Variants in MYO1E observed in about 807,000 individuals in gnomAD.
MYO1E encodes unconventional myosin-Ie.
Under a neutral mutation model 151.1 loss-of-function variants are expected in MYO1E, and 68 were observed. That is an observed-to-expected ratio of 0.45 (90% CI 0.37 to 0.55). MYO1E has a LOEUF of 0.55. Ranked by LOEUF, MYO1E falls within the 20% of genes least tolerant of loss-of-function variation. MYO1E has a pLI of 0.00. For synonymous variants in MYO1E, 601 were observed against 501.7 expected (o/e 1.20, Z -2.64); for missense variants, 1,363 against 1,389.3 (o/e 0.98, Z 0.30).
chr15:59,289,527 G>C (rs1352567260), intron 1 of MYO1E, among the ~76,000 whole-genome samples: 1 of 152,192 alleles, frequency 6.6e-6, no homozygotes, highest in Non-Finnish European at 1.5e-5. Flanking sequence ...CCACTTTGGA[G>C]ATCTCTTTCC....
chr15:59,238,344 G>C (rs1235915811), intron 4 of MYO1E, among the ~76,000 whole-genome samples: 1 of 152,142 alleles, frequency 6.6e-6, no homozygotes, highest in Admixed American at 6.5e-5. Flanking sequence ...AAGAATATTG[G>C]AAAGTCCAAG....
chr15:59,304,182 C>T (rs187174106), intron 1 of MYO1E, among the ~76,000 whole-genome samples: 117 of 152,154 alleles, frequency 7.7e-4, no homozygotes, highest in African/African-American at 2.6e-3. Flanking sequence ...GAGGTTTCAC[C>T]ATGTTGGTCA....
chr15:59,257,415 C>A (rs1355286538), intron 3 of MYO1E, among the ~76,000 whole-genome samples: 1 of 152,114 alleles, frequency 6.6e-6, no homozygotes, highest in African/African-American at 2.4e-5. Flanking sequence ...ACGCAGTGAG[C>A]TACAATTGTG....
intron 1 of MYO1E, among the ~76,000 whole-genome samples, chr15:59,344,556 T>C (rs115311270): frequency 2.6e-5 from 4 of 152,154 alleles, no homozygotes; most frequent in African/African-American, 9.6e-5. Context: ...AATCATCAAG[T>C]AGTGAAGCCA....
chr15:59,186,921 A>T (rs2140324872), intron 18 of MYO1E, among the ~76,000 whole-genome samples: 1 of 152,352 alleles, frequency 6.6e-6, no homozygotes. Flanking sequence ...ACAACACAAA[A>T]TAAGAACAAT....
At chr15:59,140,229 A>T (rs2079401364) in intron 26 of MYO1E, among the ~76,000 whole-genome samples, 1 of 152,204 alleles carries the variant, frequency 6.6e-6, no homozygotes, top group Non-Finnish European at 1.5e-5. Context: ...CAGATCTTCT[A>T]GCTTTAAAGT....
chr15:59,300,512 G>A (rs1461152640), intron 1 of MYO1E, among the ~76,000 whole-genome samples: 1 of 152,052 alleles, frequency 6.6e-6, no homozygotes, highest in Non-Finnish European at 1.5e-5. Context: ...TCCCCACTCT[G>A]CCCGCTCATT....
chr15:59,247,154 C>A (rs2080135341), intron 4 of MYO1E, among the ~76,000 whole-genome samples: 1 of 152,138 alleles, frequency 6.6e-6, no homozygotes, highest in South Asian at 2.1e-4. Context: ...TGAAATTGTG[C>A]CACTGCACTC....
chr15:59,138,018 A>G lies in MYO1E; in HGVS notation c.3250+180T>C. Among the ~76,000 whole-genome samples the G allele has an allele frequency of 1.3e-5, 2 of 152,208 alleles. 1 individual carries two copies. The highest frequency in any genetic ancestry group is 2.9e-5 in the Non-Finnish European group (2 of 68,030). ...GGAGGGAATATAAATAAGGGGGCAG[A>G]GCTGAAAGAAGCATTAAAAAAGCTG... On this transcript the variant is annotated intron_variant, in intron 27 of 27. Transcript: ENST00000288235.
chr15:59,189,930 T>G (rs1423300750), intron 17 of MYO1E, among the ~76,000 whole-genome samples: 4 of 152,232 alleles, frequency 2.6e-5, no homozygotes, highest in Admixed American at 1.3e-4. Flanking sequence ...AGGATTTTCA[T>G]ACCAGAAGAT....
At chr15:59,287,720 A>G (rs998582865) in intron 1 of MYO1E, among the ~76,000 whole-genome samples, 3 of 152,156 alleles carry the variant, frequency 2.0e-5, no homozygotes, top group Non-Finnish European at 4.4e-5. Flanking sequence ...AGACATGCAC[A>G]TTGAGTACAT....
chr15:59,223,054 C>T lies in MYO1E; in HGVS notation c.910+5G>A, dbSNP rs2079965936. The stretch of plus-strand genomic sequence containing the variant: ...ATTCAATGGCCACATGCCAGGGCTA[C>T]GCACACTCTTCACTCTCCACAGCCG... On this transcript the variant is annotated splice_donor_5th_base_variant and intron_variant, in intron 9 of 27. Transcript: ENST00000288235. 4.3e-6 allele frequency: 7 copies of T among 1,613,880 alleles called. No homozygotes were observed. Among genetic ancestry groups the T allele is most frequent in the East Asian group, 2.2e-5 (1 of 44,876 alleles).
At chr15:59,248,399 T>C (rs1482182945) in intron 4 of MYO1E, among the ~76,000 whole-genome samples, 2 of 144,686 alleles carry the variant, frequency 1.4e-5, no homozygotes, top group Admixed American at 7.2e-5. Context: ...GGCAGGAGAA[T>C]CGCTTGAACC....
At chr15:59,137,535 G>A in intron 27 of MYO1E, 79 bp from the exon 28 acceptor site, 2 of 1,170,380 alleles carry the variant, frequency 1.7e-6, no homozygotes, top group Non-Finnish European at 2.6e-6. Flanking sequence ...GCTCCCATGG[G>A]CTCAAGTGAT....
chr15:59,372,502 G>C lies in MYO1E; in HGVS notation c.-2C>G, dbSNP rs573448797. ...GACGCGGCGCGGCCAACTCACCATG[G>C]TGACTCGCGCCGCGGTCGCGTCTTC... is the stretch of plus-strand genomic sequence containing the variant. On this transcript the variant is annotated 5_prime_UTR_variant, in exon 1 of 28. Transcript: ENST00000288235. 5 of 1,537,740 alleles carry C rather than the reference G, an allele frequency of 3.3e-6. No individual in the cohort carries two copies. The highest frequency in any genetic ancestry group is 2.7e-5 in the African/African-American group (2 of 72,870).
intron 1 of MYO1E, among the ~76,000 whole-genome samples, chr15:59,316,579 C>A (rs1235912964): frequency 6.6e-6 from 1 of 152,180 alleles, no homozygotes; most frequent in Non-Finnish European, 1.5e-5. Context: ...ACTGCATACG[C>A]TTTTTTACAT....
chr15:59,269,366 G>A (rs1356786263), intron 2 of MYO1E, among the ~76,000 whole-genome samples: 5 of 152,206 alleles, frequency 3.3e-5, no homozygotes, highest in African/African-American at 1.2e-4. Flanking sequence ...TTTGAAGCCA[G>A]ACAGTCCAGA....
chr15:59,277,555 A>AC (rs1158461200), intron 1 of MYO1E, among the ~76,000 whole-genome samples: 3,616 of 30,756 alleles, frequency 0.12, 90 homozygotes, highest in Non-Finnish European at 0.32. Flanking sequence ...CCACAAAAAA[A>AC]AAAAAAAAAA....
chr15:59,166,774 G>T (rs896143411), intron 22 of MYO1E, among the ~76,000 whole-genome samples: 1 of 152,138 alleles, frequency 6.6e-6, no homozygotes, highest in Admixed American at 6.5e-5. Flanking sequence ...GAGAAAGCCC[G>T]GACGCAGATG....
Sources: gnomAD v4.1 joint callset for allele counts (sites outside exome capture counted in the v4.1 genomes callset) on GRCh38, gnomAD v4.1.1 for gene constraint, MANE v1.5 for transcripts, NCBI Gene and HGNC (gene_info 2026-07-23, HGNC 2026-07-21) for gene names.